C9orf72: variants seen among roughly 807,000 people sequenced by gnomAD.
C9orf72 encodes the protein guanine nucleotide exchange factor C9orf72.
C9orf72 carries 44 observed loss-of-function variants against 51.6 expected under a neutral mutation model. The ratio of observed to expected loss-of-function variants is 0.85; its 90% CI spans 0.67 to 1.10. The LOEUF is 1.10. Among genes scored for constraint, C9orf72 ranks in the 50% least tolerant of loss-of-function variants. The pLI, the probability that C9orf72 is intolerant of heterozygous loss-of-function variation, is 0.00. For missense variants in C9orf72, 607 were observed against 570.6 expected, an observed-to-expected ratio of 1.06 and a Z score of -0.65; for synonymous variants, 213 against 194.2, an observed-to-expected ratio of 1.10 and a Z score of -0.81.
At chr9:27,563,454 G>A (rs1440119556) in intron 3 of C9orf72, among the ~76,000 whole-genome samples, 2 of 152,064 alleles carry the variant, frequency 1.3e-5, no homozygotes, top group Non-Finnish European at 2.9e-5. Flanking sequence ...AAATGAAATT[G>A]TCAAATGACT....
intron 9 of C9orf72, among the ~76,000 whole-genome samples, chr9:27,550,346 C>G (rs535742748): frequency 4.1e-4 from 62 of 151,850 alleles, no homozygotes; most frequent in Admixed American, 1.1e-3. Flanking sequence ...TAGTTGTGGT[C>G]AACTTTATAT....
intron 9 of C9orf72, among the ~76,000 whole-genome samples, chr9:27,550,106 G>C (rs1270901931): frequency 6.7e-6 from 1 of 149,582 alleles, no homozygotes; most frequent in Non-Finnish European, 1.5e-5. Context: ...AGGGTTTTAA[G>C]TTTATAACTT....
At chr9:27,554,811 T>A (rs1275221549) in intron 8 of C9orf72, among the ~76,000 whole-genome samples, 1 of 152,188 alleles carries the variant, frequency 6.6e-6, no homozygotes, top group Non-Finnish European at 1.5e-5. Context: ...GAAAATACTA[T>A]TTTTTGGACA....
intron 9 of C9orf72, among the ~76,000 whole-genome samples, chr9:27,550,218 A>G: frequency 6.6e-6 from 1 of 151,038 alleles, no homozygotes; most frequent in Non-Finnish European, 1.5e-5. Context: ...ATATACTTGT[A>G]CTACATATAT....
At chr9:27,550,208 A>T (rs1340381756) in intron 9 of C9orf72, among the ~76,000 whole-genome samples, 3 of 151,018 alleles carry the variant, frequency 2.0e-5, no homozygotes, top group Non-Finnish European at 4.4e-5. Context: ...AAACATATAT[A>T]TATACTTGTA....
At position 27,561,592 on chromosome 9, in the gene C9orf72, G is replaced by C. The variant is rs1420046256; in HGVS notation, c.658C>G (p.Leu220Val). 6.2e-7 allele frequency: 1 copy of C among 1,612,176 alleles called. No homozygotes were observed. Among genetic ancestry groups the C allele is most frequent in the African/African-American group, 1.3e-5 (1 of 74,770 alleles). ...DIGDSCHEGFLLNAISSHLQT... is the reference protein window; with the variant it reads ...DIGDSCHEGFVLNAISSHLQT... ...GAAAAGAAAAATTCTTACTTGAGAA[G>C]AAAGCCTTCATGACAGCTGTCACCA... Residue 220 changes from leucine to valine, a missense_variant, in exon 5 of 11, where the codon CTT becomes GTT. Physicochemically the swap from Leu to Val is conservative, Grantham distance 32. Transcript: ENST00000380003.
chr9:27,561,842 C>A (rs996756640), intron 4 of C9orf72, among the ~76,000 whole-genome samples, 193 bp from the exon 5 acceptor site: 1 of 152,122 alleles, frequency 6.6e-6, no homozygotes, highest in African/African-American at 2.4e-5. Context: ...GAAAGCTGGT[C>A]AAGCAGGTTA....
intron 5 of C9orf72, 97 bp downstream of exon 5, chr9:27,561,488 T>C (rs1481212991): frequency 5.8e-6 from 9 of 1,546,300 alleles, no homozygotes; most frequent in East Asian, 2.3e-5. Context: ...ACAATCTAAG[T>C]AGACAGTCTG....
Position 27,567,184 on chromosome 9 carries a change from A to G in C9orf72, c.-44-20T>C, listed in dbSNP as rs1278410100. 9 of 1,349,226 alleles carry G rather than the reference A, an allele frequency of 6.7e-6. No individual in the cohort carries two copies. The East Asian group carries it at 1.6e-4, about 24-fold the overall frequency. 83.6% of individuals were successfully genotyped at this position (1,349,226 alleles called of 1,614,324 possible). A position where few individuals can be genotyped will look rare whatever the true frequency, so the allele number is the denominator to read the frequency against. On this transcript the variant is annotated intron_variant, in intron 1 of 10. Coordinates refer to ENST00000380003, the MANE Select transcript of C9orf72 (RefSeq NM_018325.5). ...AGATATCTAAACAATGACATATGAA[A>G]CCAATGATTAGGTTCAGCAATTTAA...
At chr9:27,573,505 C>CGACCA (rs1413992841), upstream of C9orf72, 10 of 87,258 alleles carry the variant, frequency 1.1e-4, no homozygotes, top group South Asian at 5.5e-4. Flanking sequence ...GGGCCCGCCC[C>CGACCA]CGGGCCCGCC....
upstream of C9orf72, chr9:27,573,808 G>C (rs1819655428): frequency 6.6e-6 from 1 of 152,238 alleles, no homozygotes; most frequent in Non-Finnish European, 1.5e-5. Flanking sequence ...TTTTACGTGG[G>C]CGGAACTTGT....
At chr9:27,562,739 C>A (rs1426625935) in intron 3 of C9orf72, among the ~76,000 whole-genome samples, 4 of 149,610 alleles carry the variant, frequency 2.7e-5, no homozygotes, top group Non-Finnish European at 4.4e-5. Context: ...ATGGCGTGAT[C>A]TCAGCTCACT....
intron 8 of C9orf72, 41 bp downstream of exon 8, chr9:27,556,520 T>C (rs754633522): frequency 2.7e-5 from 36 of 1,311,710 alleles, no homozygotes; most frequent in African/African-American, 1.5e-4. Context: ...CACAATTTCA[T>C]ATTGCTTGAC....
At chr9:27,570,420 A>G (rs1274530405) in intron 1 of C9orf72, among the ~76,000 whole-genome samples, 3 of 152,228 alleles carry the variant, frequency 2.0e-5, no homozygotes, top group African/African-American at 7.2e-5. Flanking sequence ...TACAACTCTA[A>G]TATTTCATCA....
In C9orf72 at chr9:27,560,672, A is replaced by AG. The variant is rs1357752705; in HGVS notation, c.666-374dup. 4 of 992,112 alleles carry AG rather than the reference A, an allele frequency of 4.0e-6. No homozygotes were observed. In the African/African-American group the frequency reaches 7.0e-5, roughly 17 times the overall value. 61.5% of individuals were successfully genotyped at this position (992,112 alleles called of 1,614,324 possible). A position where few individuals can be genotyped will look rare whatever the true frequency, so the allele number is the denominator to read the frequency against. Reference sequence around the variant, plus strand: ...TGAAAGGCTGACACTGAACAGATACAGGACTAAAGTGCTTCTGATTCAAGC... The same window carrying AG: ...TGAAAGGCTGACACTGAACAGATACAGGGACTAAAGTGCTTCTGATTCAAGC... On this transcript the variant is annotated intron_variant, in intron 5 of 10. Transcript: ENST00000380003.
Position 27,566,798 on chromosome 9 carries a change from C to T in C9orf72, c.323G>A (p.Ser108Asn). Reference sequence around the variant, plus strand: ...AAGTATAATTGATAGTCCATATGTGCTGCGATCCCCATTCCAGTTTCCATC... The same window carrying T: ...AAGTATAATTGATAGTCCATATGTGTTGCGATCCCCATTCCAGTTTCCATC... Reference protein sequence around the residue: ...IFDGNWNGDRSTYGLSIILPQ... With the variant: ...IFDGNWNGDRNTYGLSIILPQ... Residue 108 changes from serine to asparagine, a missense_variant, in exon 2 of 11, where the codon AGC becomes AAC. By Grantham distance (46) the Ser-to-Asn change is conservative. Coordinates refer to ENST00000380003, the MANE Select transcript of C9orf72 (RefSeq NM_018325.5). 2 of 1,613,842 alleles carry T rather than the reference C, an allele frequency of 1.2e-6. No individual in the cohort carries two copies. The highest frequency in any genetic ancestry group is 1.1e-5 in the South Asian group (1 of 91,066).
At chr9:27,551,617 T>A (rs1820910683) in intron 8 of C9orf72, among the ~76,000 whole-genome samples, 1 of 152,094 alleles carries the variant, frequency 6.6e-6, no homozygotes, top group Admixed American at 6.5e-5. Flanking sequence ...AAGAAACGAG[T>A]GTACCACACT....
intron 10 of C9orf72, 29 bp from the exon 11 acceptor site, chr9:27,548,451 A>AAAAAAAAAAAAAAC: frequency 7.0e-7 from 1 of 1,419,238 alleles, no homozygotes; most frequent in East Asian, 2.5e-5. Flanking sequence ...AAAAAAAAAA[A>AAAAAAAAAAAAAAC]AAAAAAAAAA....
chr9:27,568,124 A>G (rs892608945), intron 1 of C9orf72, among the ~76,000 whole-genome samples: 2 of 150,386 alleles, frequency 1.3e-5, no homozygotes, highest in African/African-American at 2.4e-5. Flanking sequence ...GAAATACCAC[A>G]AGTCTGGAGC....
Sources: gnomAD v4.1 joint callset for allele counts (sites outside exome capture counted in the v4.1 genomes callset) on GRCh38, gnomAD v4.1.1 for gene constraint, MANE v1.5 for transcripts, NCBI Gene and HGNC (gene_info 2026-07-23, HGNC 2026-07-21) for gene names.